XYLB: variants seen among roughly 807,000 people sequenced by gnomAD.
The protein encoded by XYLB is xylulose kinase.
A neutral mutation model predicts 78.7 loss-of-function variants in XYLB; 62 were observed. The ratio of observed to expected loss-of-function variants is 0.79; its 90% CI spans 0.64 to 0.97. XYLB has a LOEUF of 0.97. Ranked by LOEUF, XYLB falls within the 50% of genes least tolerant of loss-of-function variation. The pLI is 0.00. For synonymous variants in XYLB, 245 were observed against 247.4 expected (o/e 0.99, Z 0.09); for missense variants, 687 against 676.8 (o/e 1.02, Z -0.17).
downstream of XYLB, among the ~76,000 whole-genome samples, chr3:38,416,256 G>A (rs1188712089): frequency 6.6e-6 from 1 of 152,150 alleles, no homozygotes; most frequent in Non-Finnish European, 1.5e-5. Context: ...ATATGTAGAA[G>A]TCAAATAGTA....
In XYLB at chr3:38,365,205, G is replaced by A. The variant is rs769273171; in HGVS notation, c.298G>A (p.Gly100Arg). The A allele has an allele frequency of 4.3e-6, 7 of 1,614,212 alleles. No individual in the cohort carries two copies. Among genetic ancestry groups the A allele is most frequent in the Non-Finnish European group, 5.9e-6 (7 of 1,180,046 alleles). The change falls in exon 5 of 19, where the codon GGA becomes AGA. Residue 100 changes from glycine to arginine, a missense_variant. Coordinates refer to ENST00000207870, the MANE Select transcript of XYLB (RefSeq NM_005108.4). ...TGCTTGGGTTTCCCAACAGCAACAC[G>A]GAAGTATATACTGGAAGGCTGGAGC... Reference protein sequence around the residue: ...LALSGAGQQHGSIYWKAGAQQ... With the variant: ...LALSGAGQQHRSIYWKAGAQQ...
downstream of XYLB, among the ~76,000 whole-genome samples, chr3:38,419,465 T>A (rs1708902376): frequency 6.6e-6 from 1 of 150,852 alleles, no homozygotes; most frequent in African/African-American, 2.4e-5. Context: ...TCTGTTTAAC[T>A]TTTTGAGGAC....
At chr3:38,391,639 TA>T (rs34334388) in intron 15 of XYLB, among the ~76,000 whole-genome samples, 61,008 of 152,000 alleles carry the variant, frequency 0.4, 13,766 homozygotes, top group East Asian at 0.53. Flanking sequence ...ATTCACATGT[TA>T]AAAACTTAAT....
intron 18 of XYLB, among the ~76,000 whole-genome samples, chr3:38,402,267 A>G (rs951740539): frequency 6.6e-6 from 1 of 152,220 alleles, no homozygotes; most frequent in African/African-American, 2.4e-5. Context: ...GTCAGCAAAC[A>G]GATAAACATT....
intron 15 of XYLB, among the ~76,000 whole-genome samples, chr3:38,384,181 C>T (rs1439500520): frequency 6.6e-6 from 1 of 152,146 alleles, no homozygotes; most frequent in Non-Finnish European, 1.5e-5. Context: ...ATCCTCCTGC[C>T]TCAGTCTCCT....
chr3:38,367,388 C>T (rs981217182), intron 7 of XYLB, among the ~76,000 whole-genome samples: 4 of 152,240 alleles, frequency 2.6e-5, no homozygotes, highest in South Asian at 2.1e-4. Context: ...GCCTGAGAAA[C>T]AGCCCCACGC....
chr3:38,424,738 T>C (rs1709067695), downstream of XYLB, among the ~76,000 whole-genome samples: 1 of 152,238 alleles, frequency 6.6e-6, no homozygotes, highest in African/African-American at 2.4e-5. Flanking sequence ...ACACAATTAA[T>C]TGAAAATGTT....
chr3:38,365,564 T>G, intron 5 of XYLB, 44 bp from the exon 6 acceptor site: 10 of 1,570,438 alleles, frequency 6.4e-6, no homozygotes, highest in Non-Finnish European at 7.8e-6. Flanking sequence ...GATCTCCAAG[T>G]CAGCGGATGG....
At chr3:38,407,563 G>A (rs1708379441) in intron 18 of XYLB, among the ~76,000 whole-genome samples, 2 of 151,858 alleles carry the variant, frequency 1.3e-5, no homozygotes, top group African/African-American at 4.8e-5. Flanking sequence ...TGGACTAAAT[G>A]CTCCAATTAA....
intron 2 of XYLB, among the ~76,000 whole-genome samples, chr3:38,357,864 T>A (rs949902843): frequency 7.9e-5 from 10 of 126,840 alleles, no homozygotes; most frequent in African/African-American, 2.5e-4. Context: ...TTGCCCTTTT[T>A]TAAAAAAAAA....
intron 18 of XYLB, among the ~76,000 whole-genome samples, chr3:38,405,929 C>CCT (rs766927693): frequency 1.1e-4 from 16 of 152,254 alleles, no homozygotes; most frequent in Non-Finnish European, 1.9e-4. Context: ...GGCCTGCCTG[C>CCT]CTCTGTAGGC....
At chr3:38,427,514 C>T in the XYLB span, among the ~76,000 whole-genome samples, 3 of 152,128 alleles carry the variant, frequency 2.0e-5, no homozygotes, top group Non-Finnish European at 4.4e-5. Context: ...TTTTATTGAT[C>T]ACACTTTTTT....
chr3:38,374,027 TA>T (rs71959934), intron 10 of XYLB, among the ~76,000 whole-genome samples: 38,843 of 146,664 alleles, frequency 0.26, 5,882 homozygotes, highest in East Asian at 0.51. Flanking sequence ...ATATATCTCT[TA>T]AAAAAAAAAA....
rs1174920949 is a variant in XYLB at position 38,412,940 on chromosome 3, A to G, written c.1538A>G (p.Tyr513Cys). The change falls in exon 19 of 19, where the codon TAC becomes TGC. Residue 513 changes from tyrosine (Y) to cysteine (C), a missense_variant. Physicochemically the swap from Tyr to Cys is radical, Grantham distance 194. Coordinates refer to ENST00000207870, the MANE Select transcript of XYLB (RefSeq NM_005108.4). ...ATPSPGASQV[Y>C]EALLPQYAKL... is the part of the protein sequence containing the mutation. ...CTGCTTTTTCTGCCCTTCTAGGTCT[A>G]CGAGGCCCTTCTCCCCCAGTATGCC... The G allele has an allele frequency of 1.2e-6, 2 of 1,602,740 alleles. No individual in the cohort carries two copies. The highest frequency in any genetic ancestry group is 1.7e-6 in the Non-Finnish European group (2 of 1,175,256).
At chr3:38,358,834 A>C (rs184808417) in intron 2 of XYLB, among the ~76,000 whole-genome samples, 1 of 152,368 alleles carries the variant, frequency 6.6e-6, no homozygotes, top group East Asian at 1.9e-4. Context: ...TGTACAAAAA[A>C]TGCCATCCAT....
intron 2 of XYLB, among the ~76,000 whole-genome samples, 157 bp from the exon 3 acceptor site, chr3:38,360,182 C>G (rs993535116): frequency 2.6e-5 from 4 of 152,218 alleles, no homozygotes; most frequent in Admixed American, 1.3e-4. Context: ...ATCTTTGCAG[C>G]CCTCGTGCCT....
At chr3:38,405,698 G>A (rs556715186) in intron 18 of XYLB, among the ~76,000 whole-genome samples, 2 of 152,328 alleles carry the variant, frequency 1.3e-5, no homozygotes, top group South Asian at 4.1e-4. Context: ...GCGCTTTTCC[G>A]ACAGGCTTAA....
the XYLB span, among the ~76,000 whole-genome samples, chr3:38,450,824 C>G: frequency 1.3e-5 from 2 of 152,198 alleles, no homozygotes; most frequent in Non-Finnish European, 2.9e-5. Flanking sequence ...TTCTGGTTCA[C>G]TGCTATTGCA....
intron 18 of XYLB, among the ~76,000 whole-genome samples, chr3:38,409,668 T>C (rs1708490312): frequency 6.6e-6 from 1 of 152,210 alleles, no homozygotes; most frequent in African/African-American, 2.4e-5. Flanking sequence ...CTCCTAAAGC[T>C]GATAAGCAAC....
Sources: allele counts gnomAD v4.1 joint callset (sites outside exome capture counted in the v4.1 genomes callset), GRCh38; gene constraint gnomAD v4.1.1; transcripts MANE v1.5; gene names NCBI Gene and HGNC (gene_info 2026-07-23, HGNC 2026-07-21).